Variants in ADAMTS17 observed in about 807,000 individuals in gnomAD.
The protein encoded by ADAMTS17 is ADAM metallopeptidase with thrombospondin type 1 motif 17.
ADAMTS17 carries 113 observed loss-of-function variants against 141.5 expected under a neutral mutation model. That is an observed-to-expected ratio of 0.80 (90% confidence interval 0.69 to 0.93). ADAMTS17 has a LOEUF of 0.93. ADAMTS17 is among the 40% of genes least tolerant of loss of function. ADAMTS17 has a pLI of 0.00. For synonymous variants in ADAMTS17, 768 were observed against 630.6 expected (o/e 1.22, Z -3.27); for missense variants, 1,659 against 1,517.9 (o/e 1.09, Z -1.54).
chr15:100,018,613 T>C (rs1398919406), intron 18 of ADAMTS17, among the ~76,000 whole-genome samples: 1 of 152,212 alleles, frequency 6.6e-6, no homozygotes, highest in Non-Finnish European at 1.5e-5. Context: ...TGAGTGTAAG[T>C]TTCCTGAGGC....
At chr15:100,155,373 AGTTC>A in intron 8 of ADAMTS17, 53 bp from the exon 9 acceptor site, 1 of 1,591,132 alleles carries the variant, frequency 6.3e-7, no homozygotes, top group Non-Finnish European at 8.6e-7. Flanking sequence ...TCTCATTTCC[AGTTC>A]CTGGTGCTAG....
intron 4 of ADAMTS17, among the ~76,000 whole-genome samples, chr15:100,269,496 C>T (rs548731962): frequency 6.6e-6 from 1 of 152,142 alleles, no homozygotes; most frequent in African/African-American, 2.4e-5. Context: ...TTGCTGTATT[C>T]ATTGAGGAAA....
chr15:100,078,709 A>C (rs1366227632), intron 15 of ADAMTS17, among the ~76,000 whole-genome samples: 1 of 152,216 alleles, frequency 6.6e-6, no homozygotes, highest in East Asian at 1.9e-4. Context: ...AAAAGAAAAA[A>C]TAGTTTAACT....
intron 18 of ADAMTS17, among the ~76,000 whole-genome samples, chr15:100,005,514 G>C (rs1197298838): frequency 6.6e-6 from 1 of 152,102 alleles, no homozygotes; most frequent in Non-Finnish European, 1.5e-5. Context: ...ACCAGCAGTG[G>C]TGGGGGAGTG....
At chr15:100,192,529 C>A (rs1596238249) in intron 8 of ADAMTS17, among the ~76,000 whole-genome samples, 1 of 152,344 alleles carries the variant, frequency 6.6e-6, no homozygotes, top group South Asian at 2.1e-4. Flanking sequence ...TCTCTGCATA[C>A]CTTCCTTTCA....
At chr15:100,086,984 C>G (rs1410016096) in intron 15 of ADAMTS17, among the ~76,000 whole-genome samples, 3 of 152,064 alleles carry the variant, frequency 2.0e-5, no homozygotes, top group Non-Finnish European at 4.4e-5. Flanking sequence ...CAAGAAATAA[C>G]TAAGATCAGA....
intron 3 of ADAMTS17, among the ~76,000 whole-genome samples, chr15:100,291,006 G>T (rs1232887227): frequency 6.6e-6 from 1 of 152,056 alleles, no homozygotes; most frequent in Non-Finnish European, 1.5e-5. Flanking sequence ...GACAAATGGG[G>T]CCTAATTAAA....
chr15:100,048,365 G>A (rs763995020), intron 18 of ADAMTS17, among the ~76,000 whole-genome samples: 4 of 152,030 alleles, frequency 2.6e-5, no homozygotes, highest in Non-Finnish European at 5.9e-5. Flanking sequence ...AGGGTAACAC[G>A]GCCATGAAAG....
intron 18 of ADAMTS17, among the ~76,000 whole-genome samples, chr15:100,036,318 G>A (rs527890459): frequency 8.5e-5 from 13 of 152,358 alleles, no homozygotes; most frequent in South Asian, 8.3e-4. Flanking sequence ...GGGAGAAGCC[G>A]GCACTGCGTA....
intron 18 of ADAMTS17, among the ~76,000 whole-genome samples, chr15:100,020,439 C>T (rs565982697): frequency 3.3e-5 from 5 of 152,282 alleles, no homozygotes; most frequent in Admixed American, 1.3e-4. Context: ...CTGCCTGGGG[C>T]TCTGGCATGC....
At chr15:100,051,032 C>G (rs928259188) in intron 17 of ADAMTS17, among the ~76,000 whole-genome samples, 4 of 152,220 alleles carry the variant, frequency 2.6e-5, no homozygotes, top group Non-Finnish European at 4.4e-5. Flanking sequence ...CATCCTATTT[C>G]AGAAGTGAAG....
intron 7 of ADAMTS17, 40 bp downstream of exon 7, chr15:100,254,096 G>A: frequency 2.5e-6 from 4 of 1,592,608 alleles, no homozygotes; most frequent in Non-Finnish European, 3.4e-6. Flanking sequence ...CTCCCAGGGT[G>A]TATCAGCCCC....
In ADAMTS17 at chr15:100,140,810, G is replaced by A. The variant is rs185691869; in HGVS notation, c.1474-7495C>T. On this transcript the variant is annotated intron_variant, in intron 10 of 21. Transcript: ENST00000268070. ...GCAATCATGCATTCTCGGTGTGAGTGTCCATCCTCTCATCTGCAGTGAGAT... is the reference window on the plus strand; with the variant it reads ...GCAATCATGCATTCTCGGTGTGAGTATCCATCCTCTCATCTGCAGTGAGAT... Among the ~76,000 whole-genome samples the A allele has an allele frequency of 9.7e-4, 148 of 151,954 alleles. 2 individuals are homozygous for A. Among genetic ancestry groups the A allele is most frequent in the African/African-American group, 3.2e-3 (134 of 41,470 alleles).
intron 8 of ADAMTS17, among the ~76,000 whole-genome samples, chr15:100,161,883 G>A (rs2039707232): frequency 6.6e-6 from 1 of 152,208 alleles, no homozygotes; most frequent in African/African-American, 2.4e-5. Context: ...TCTCACTGCG[G>A]AGAAGGTATT....
intron 18 of ADAMTS17, among the ~76,000 whole-genome samples, chr15:100,006,474 G>C (rs1189583354): frequency 6.6e-6 from 1 of 152,202 alleles, no homozygotes; most frequent in Non-Finnish European, 1.5e-5. Flanking sequence ...GCCATCATCA[G>C]GGTCACACTT....
intron 10 of ADAMTS17, among the ~76,000 whole-genome samples, chr15:100,151,271 G>A (rs900567931): frequency 2.0e-5 from 3 of 152,176 alleles, no homozygotes; most frequent in Non-Finnish European, 2.9e-5. Flanking sequence ...CGTCCTTTGG[G>A]GAAACAGCCA....
intron 7 of ADAMTS17, among the ~76,000 whole-genome samples, chr15:100,252,246 T>C (rs1287939937): frequency 1.3e-5 from 2 of 152,218 alleles, no homozygotes; most frequent in Non-Finnish European, 2.9e-5. Context: ...GGATACATTG[T>C]TTTAATGAAC....
intron 3 of ADAMTS17, among the ~76,000 whole-genome samples, chr15:100,314,479 G>A (rs767031853): frequency 7.2e-5 from 11 of 152,276 alleles, no homozygotes; most frequent in Middle Eastern, 3.4e-3. Context: ...GTTGGAATAC[G>A]AAAGAGAGGG....
intron 4 of ADAMTS17, among the ~76,000 whole-genome samples, chr15:100,280,406 C>A (rs373783974): frequency 6.6e-6 from 1 of 152,124 alleles, no homozygotes; most frequent in Non-Finnish European, 1.5e-5. Context: ...CCCACACTCA[C>A]GCCAGCCCCA....
Sources: gnomAD v4.1 joint callset for allele counts (sites outside exome capture counted in the v4.1 genomes callset) on GRCh38, gnomAD v4.1.1 for gene constraint, MANE v1.5 for transcripts, NCBI Gene and HGNC (gene_info 2026-07-23, HGNC 2026-07-21) for gene names.